The following CRB1 variants were observed in gnomAD, a reference collection of about 807,000 sequenced individuals.
CRB1 encodes protein crumbs homolog 1.
CRB1 carries 83 observed loss-of-function variants against 120.0 expected under a neutral mutation model. That is an observed-to-expected ratio of 0.69 (90% CI 0.58 to 0.83). CRB1 has a LOEUF of 0.83. Among genes scored for constraint, CRB1 ranks in the 40% least tolerant of loss-of-function variants. The pLI, the probability that CRB1 is intolerant of heterozygous loss-of-function variation, is 0.00. For synonymous variants in CRB1, 625 were observed against 612.5 expected, an observed-to-expected ratio of 1.02 and a Z score of -0.30; for missense variants, 1,699 against 1,687.6, an observed-to-expected ratio of 1.01 and a Z score of -0.12.
intron 5 of CRB1, chr1:197,357,399 G>A: frequency 3.7e-6 from 1 of 270,256 alleles, no homozygotes; most frequent in East Asian, 9.3e-5. Context: ...ATTTACACTG[G>A]GAAAAATGAC....
Position 197,435,036 on chromosome 1 carries a change from A to G in CRB1, c.3173A>G (p.Glu1058Gly), listed in dbSNP as rs528822528. ...AGGTGGCAAATGGAAGTGGACAACG[A>G]AACACCTTTTGTGACCAGCACAATT... Reference protein sequence around the residue: ...TSRWQMEVDNETPFVTSTIAT... With the variant: ...TSRWQMEVDNGTPFVTSTIAT... Residue 1058 changes from glutamate to glycine, a missense_variant, in exon 9 of 12, where the codon GAA becomes GGA. Glu to Gly is a moderately conservative substitution (Grantham distance 98). Transcript: ENST00000367400. 11 of 1,613,970 alleles carry G rather than the reference A, an allele frequency of 6.8e-6. No individual in the cohort carries two copies. In the South Asian group the frequency reaches 1.2e-4, roughly 18 times the overall value.
intron 5 of CRB1, among the ~76,000 whole-genome samples, chr1:197,407,892 CT>C (rs1334235364): frequency 6.6e-6 from 1 of 152,152 alleles, no homozygotes; most frequent in Non-Finnish European, 1.5e-5. Flanking sequence ...GGTTTACAAC[CT>C]TTGCATTGAA....
intron 11 of CRB1, among the ~76,000 whole-genome samples, chr1:197,465,126 C>T (rs1044229589): frequency 4.6e-5 from 7 of 152,140 alleles, no homozygotes; most frequent in African/African-American, 1.7e-4. Context: ...ATAAAATAAC[C>T]ACTTTAGCTT....
intron 2 of CRB1, among the ~76,000 whole-genome samples, chr1:197,336,100 T>G (rs1659139569): frequency 2.0e-5 from 3 of 152,250 alleles, no homozygotes; most frequent in African/African-American, 7.2e-5. Context: ...GGTTACTCAT[T>G]TAAAGTGTCC....
chr1:197,379,855 A>G (rs554487433), intron 5 of CRB1, among the ~76,000 whole-genome samples: 19 of 152,328 alleles, frequency 1.2e-4, no homozygotes, highest in Non-Finnish European at 2.9e-5. Context: ...TAATGATAAC[A>G]TAATTTTATT....
At chr1:197,352,686 C>CT (rs5779865) in intron 4 of CRB1, among the ~76,000 whole-genome samples, 4,022 of 137,122 alleles carry the variant, frequency 0.029, 71 homozygotes, top group Non-Finnish European at 0.036. Flanking sequence ...TTTTACTTTC[C>CT]TTTTTTTTTT....
At chr1:197,228,655 C>T in the CRB1 span, among the ~76,000 whole-genome samples, 1 of 152,194 alleles carries the variant, frequency 6.6e-6, no homozygotes, top group Admixed American at 6.5e-5. Context: ...CTGTTCCAAC[C>T]TCTGCCTGAT....
At chr1:197,422,510 C>T (rs1340283695) in intron 6 of CRB1, among the ~76,000 whole-genome samples, 1 of 146,812 alleles carries the variant, frequency 6.8e-6, no homozygotes, top group Admixed American at 6.9e-5. Context: ...CAAGGTTGCC[C>T]TGGAGAAGAC....
chr1:197,429,658 C>T (rs1481957350), intron 8 of CRB1, 44 bp downstream of exon 8: 1 of 1,589,866 alleles, frequency 6.3e-7, no homozygotes, highest in African/African-American at 1.3e-5. Context: ...TAAGTTGCGA[C>T]ATTTGAGTTG....
Position 197,328,679 on chromosome 1 carries a change from A to T in CRB1, c.328A>T (p.Thr110Ser), listed in dbSNP as rs770494438. ...GTACAGTGGGACAATCTGTGAAACT[A>T]CCATTGGTTCCTGTGGCAAGAACTC... ...PGYSGTICETTIGSCGKNSCQ... is the reference protein window; with the variant it reads ...PGYSGTICETSIGSCGKNSCQ... Residue 110 changes from threonine (T) to serine (S), a missense_variant, in exon 2 of 12, where the codon ACC becomes TCC. By Grantham distance (58) the Thr-to-Ser change is moderately conservative. Transcript: ENST00000367400. The T allele has an allele frequency of 6.2e-7, 1 of 1,613,886 alleles. No individual in the cohort carries two copies. The highest frequency in any genetic ancestry group is 1.1e-5 in the South Asian group (1 of 91,066).
the CRB1 span, among the ~76,000 whole-genome samples, chr1:197,247,914 G>A: frequency 1.3e-5 from 2 of 151,866 alleles, no homozygotes; most frequent in Non-Finnish European, 2.9e-5. Context: ...CCATGAATAG[G>A]TGCTTTGGTC....
chr1:197,235,248 CT>C, the CRB1 span, among the ~76,000 whole-genome samples: 2 of 152,100 alleles, frequency 1.3e-5, no homozygotes, highest in African/African-American at 4.8e-5. Context: ...TGAAGACCTC[CT>C]TTCAAAGGGG....
At chr1:197,326,600 C>G (rs560426880) in intron 1 of CRB1, among the ~76,000 whole-genome samples, 1 of 151,940 alleles carries the variant, frequency 6.6e-6, no homozygotes. Context: ...TACTGTACTC[C>G]AGCCTGGGCG....
At chr1:197,384,569 G>T (rs573333119) in intron 5 of CRB1, among the ~76,000 whole-genome samples, 150 of 152,180 alleles carry the variant, frequency 9.9e-4, no homozygotes, top group African/African-American at 3.3e-3. Flanking sequence ...CATCCTGTAG[G>T]TTTAGTCTTT....
rs184130462 is a variant in CRB1 at position 197,410,653 on chromosome 1, A to G, written c.1172-10347A>G. Among the ~76,000 whole-genome samples, 13 of 152,286 alleles carry G rather than the reference A, an allele frequency of 8.5e-5. No homozygotes were observed. In the East Asian group the frequency reaches 2.3e-3, roughly 27 times the overall value. ...TGTGACAAAATTATGAATTTATGAAAATGTCAACTCTTATATTCAGCATAT... is the reference window on the plus strand; with the variant it reads ...TGTGACAAAATTATGAATTTATGAAGATGTCAACTCTTATATTCAGCATAT... On this transcript the variant is annotated intron_variant, in intron 5 of 11. Coordinates refer to ENST00000367400, the MANE Select transcript of CRB1 (RefSeq NM_201253.3).
chr1:197,342,115 G>A (rs1659500099), intron 2 of CRB1, among the ~76,000 whole-genome samples: 1 of 152,196 alleles, frequency 6.6e-6, no homozygotes, highest in South Asian at 2.1e-4. Flanking sequence ...GGAATTCTGT[G>A]AGCTTCTTAT....
intron 1 of CRB1, among the ~76,000 whole-genome samples, chr1:197,292,464 G>A (rs1250934467): frequency 6.6e-6 from 1 of 152,030 alleles, no homozygotes; most frequent in Non-Finnish European, 1.5e-5. Context: ...ATTCACAGCC[G>A]AATTCTACCA....
chr1:197,308,659 A>T (rs540961871), intron 1 of CRB1, among the ~76,000 whole-genome samples: 1 of 152,042 alleles, frequency 6.6e-6, no homozygotes, highest in Non-Finnish European at 1.5e-5. Flanking sequence ...AGAGAATAAA[A>T]AGATTTATCT....
rs891757061 is a variant in CRB1, at chr1:197,473,934, G to A, written c.4006-3730G>A. On this transcript the variant is annotated intron_variant, in intron 11 of 11. Transcript: ENST00000367400. Reference sequence around the variant, plus strand: ...GCGATTTCAAAACCCTACTCATTCAGTTCACTCTAAAGCTTAATGACATGC... The same window carrying A: ...GCGATTTCAAAACCCTACTCATTCAATTCACTCTAAAGCTTAATGACATGC... Among the ~76,000 whole-genome samples the A allele has an allele frequency of 2.0e-5, 3 of 151,844 alleles. No homozygotes were observed. In the East Asian group the frequency reaches 5.8e-4, roughly 29 times the overall value.
Sources: gnomAD v4.1 joint callset for allele counts (sites outside exome capture counted in the v4.1 genomes callset) on GRCh38, gnomAD v4.1.1 for gene constraint, MANE v1.5 for transcripts, NCBI Gene and HGNC (gene_info 2026-07-23, HGNC 2026-07-21) for gene names.